ANAPC2: variants seen among roughly 807,000 people sequenced by gnomAD.
The protein encoded by ANAPC2 is anaphase-promoting complex subunit 2.
A neutral mutation model predicts 84.3 loss-of-function variants in ANAPC2; 29 were observed. The observed-to-expected ratio is 0.34, with a 90% CI of 0.26 to 0.47. The LOEUF is 0.47. Ranked by LOEUF, ANAPC2 falls within the 20% of genes least tolerant of loss-of-function variation. The pLI is 1.00. For missense variants in ANAPC2, 857 were observed against 1,131.7 expected (o/e 0.76, Z 3.48); for synonymous variants, 571 against 479.4 (o/e 1.19, Z -2.50).
At chr9:137,184,099 C>T (rs1319000302) in intron 4 of ANAPC2, among the ~76,000 whole-genome samples, 5 of 152,238 alleles carry the variant, frequency 3.3e-5, no homozygotes, top group East Asian at 1.9e-4. Context: ...GATCCAGGCA[C>T]GGGGGACGCC....
At chr9:137,180,725 C>A (rs978844795) in intron 8 of ANAPC2, 63 bp downstream of exon 8, 2 of 1,587,840 alleles carry the variant, frequency 1.3e-6, no homozygotes, top group Admixed American at 3.4e-5. Context: ...GGGCCCTGTC[C>A]CGAGAGAGGC....
At chr9:137,180,651 G>A (rs1834324010) in intron 8 of ANAPC2, 124 bp from the exon 9 acceptor site, 2 of 1,564,842 alleles carry the variant, frequency 1.3e-6, no homozygotes, top group Admixed American at 3.4e-5. Flanking sequence ...CCAATGGCTA[G>A]CACACCCCCA....
intron 3 of ANAPC2, among the ~76,000 whole-genome samples, chr9:137,185,739 G>A (rs937093456): frequency 3.9e-5 from 6 of 152,266 alleles, no homozygotes; most frequent in Middle Eastern, 3.4e-3. Flanking sequence ...CTATGGCTCC[G>A]GGAGCCCAGA....
In ANAPC2 at chr9:137,174,900, C is replaced by A; in HGVS notation, c.*42G>T. ...TGGCACGGGAGGACGAGAGCACCTG[C>A]AGGGCAGCGCCTGGCGGGCGGGCGG... On this transcript the variant is annotated 3_prime_UTR_variant, in exon 13 of 13. Coordinates refer to ENST00000323927, the MANE Select transcript of ANAPC2 (RefSeq NM_013366.4). This position sits in a 1 kb window ranked among gnomAD's most constrained non-coding sequence, Gnocchi z 6.1. 1.5e-6 allele frequency: 2 copies of A among 1,322,770 alleles called. No individual in the cohort carries two copies. Among genetic ancestry groups the A allele is most frequent in the East Asian group, 6.2e-5 (2 of 32,392 alleles). 81.9% of individuals were successfully genotyped at this position (1,322,770 alleles called of 1,614,324 possible).
chr9:137,185,379 G>A (rs1427071100), intron 3 of ANAPC2, among the ~76,000 whole-genome samples: 1 of 152,224 alleles, frequency 6.6e-6, no homozygotes, highest in East Asian at 1.9e-4. Context: ...CACACGACCT[G>A]TGCGCTGTGC....
intron 6 of ANAPC2, among the ~76,000 whole-genome samples, chr9:137,182,487 C>A (rs982108909): frequency 1.3e-5 from 2 of 151,568 alleles, no homozygotes; most frequent in Admixed American, 1.3e-4. Context: ...CCAGCCTGGG[C>A]GAAAGAGTGA....
chr9:137,180,672 G>A (rs1445179081), intron 8 of ANAPC2, 116 bp downstream of exon 8: 22 of 1,563,340 alleles, frequency 1.4e-5, no homozygotes, highest in Non-Finnish European at 1.5e-5. Flanking sequence ...GCCAGGAGTG[G>A]GGGCGGAAGC....
chr9:137,181,929 C>A, intron 6 of ANAPC2, 67 bp from the exon 7 acceptor site: 1 of 1,516,116 alleles, frequency 6.6e-7, no homozygotes, highest in Non-Finnish European at 8.8e-7. Flanking sequence ...ACCACTCATT[C>A]CAGTCCCGGC....
chr9:137,179,285 G>T (rs1421159170), intron 10 of ANAPC2, among the ~76,000 whole-genome samples: 2 of 152,106 alleles, frequency 1.3e-5, no homozygotes, highest in African/African-American at 2.4e-5. Context: ...GGCCTCACAG[G>T]CCCCACACAT....
Position 137,187,933 on chromosome 9 carries a change from G to C in ANAPC2, c.288C>G (p.Ser96=). The C allele has an allele frequency of 6.2e-7, 1 of 1,613,856 alleles. No homozygotes were observed. Among genetic ancestry groups the C allele is most frequent in the Non-Finnish European group, 8.5e-7 (1 of 1,180,028 alleles). Residue 96 remains serine, a synonymous_variant, in exon 2 of 13, where the codon TCC becomes TCG. Coordinates refer to ENST00000323927, the MANE Select transcript of ANAPC2 (RefSeq NM_013366.4). ...NISPEFWNAI[S]QCENSADEPQ... is the part of the protein sequence containing the mutation. Reference sequence around the variant, plus strand: ...GCTCATCCGCAGAGTTCTCGCATTGGGAGATGGCATTCCAGAACTCAGGGG... The same window carrying C: ...GCTCATCCGCAGAGTTCTCGCATTGCGAGATGGCATTCCAGAACTCAGGGG...
intron 3 of ANAPC2, among the ~76,000 whole-genome samples, chr9:137,185,819 G>A (rs951153521): frequency 2.0e-5 from 3 of 152,156 alleles, no homozygotes; most frequent in African/African-American, 7.2e-5. Flanking sequence ...CTCGCTCCCC[G>A]CTGTGGTGCA....
In ANAPC2 at chr9:137,185,016, G is replaced by C. The variant is rs752968213; in HGVS notation, c.945C>G (p.Pro315=). 1.9e-6 allele frequency: 3 copies of C among 1,601,970 alleles called. No homozygotes were observed. Among genetic ancestry groups the C allele is most frequent in the Non-Finnish European group, 2.6e-6 (3 of 1,175,496 alleles). The change falls in exon 4 of 13, where the codon CCC becomes CCG. Residue 315 remains proline (P), a synonymous_variant. Coordinates refer to ENST00000323927, the MANE Select transcript of ANAPC2 (RefSeq NM_013366.4). ...AGCGGCGCAGGGTGTTGCCGGCCTC[G>C]GGAGATGCGGGCCTGGCGGGGCCGT... The part of the protein sequence containing the change: ...LQDGPARPAS[P]EAGNTLRRWR...
At chr9:137,180,722 G>A in intron 8 of ANAPC2, 66 bp downstream of exon 8, 2 of 1,587,102 alleles carry the variant, frequency 1.3e-6, no homozygotes, top group Non-Finnish European at 8.6e-7. Flanking sequence ...TCAGGGCCCT[G>A]TCCCGAGAGA....
In ANAPC2 at chr9:137,181,766, C is replaced by T. The variant is rs1056618738; in HGVS notation, c.1383G>A (p.Pro461=). ...TGTCCTGGCCTGTCTCCAGGCTCGCCGGGTCGGTCTTGGACAGCTCAACAG... is the reference window on the plus strand; with the variant it reads ...TGTCCTGGCCTGTCTCCAGGCTCGCTGGGTCGGTCTTGGACAGCTCAACAG... ...DLAVELSKTD[P]ASLETGQDSE... The change falls in exon 7 of 13, where the codon CCG becomes CCA. Residue 461 remains proline, a synonymous_variant. Transcript: ENST00000323927. The T allele has an allele frequency of 9.9e-6, 16 of 1,611,140 alleles. No individual in the cohort carries two copies. Among genetic ancestry groups the T allele is most frequent in the Non-Finnish European group, 1.4e-5 (16 of 1,179,930 alleles).
rs190834278 is a variant in ANAPC2, at chr9:137,188,158, G to C, written c.118-55C>G. Reference sequence around the variant, plus strand: ...GAACACAACATAGAGGTGGGGAGAGGCGGGGAAGGGAAGAAGCTGAGGGGG... The same window carrying C: ...GAACACAACATAGAGGTGGGGAGAGCCGGGGAAGGGAAGAAGCTGAGGGGG... On this transcript the variant is annotated intron_variant, in intron 1 of 12. Coordinates refer to ENST00000323927, the MANE Select transcript of ANAPC2 (RefSeq NM_013366.4). The C allele has an allele frequency of 4.5e-5, 70 of 1,566,586 alleles. 1 individual carries two copies. In the East Asian group the frequency reaches 1.6e-3, roughly 35 times the overall value.
chr9:137,188,159 C>A, intron 1 of ANAPC2, 56 bp from the exon 2 acceptor site: 3 of 1,564,902 alleles, frequency 1.9e-6, no homozygotes, highest in Admixed American at 1.8e-5. Flanking sequence ...TGGGGAGAGG[C>A]GGGGAAGGGA....
In ANAPC2 at chr9:137,175,169, C is replaced by T; in HGVS notation, c.2257-15G>A. 11 of 1,602,998 alleles carry T rather than the reference C, an allele frequency of 6.9e-6. No homozygotes were observed. The highest frequency in any genetic ancestry group is 9.4e-6 in the Non-Finnish European group (11 of 1,175,484). Reference sequence around the variant, plus strand: ...GTCCAGAAGAGCTGCGGACACAGGCCAGCCCCCGTCAGGCACCTGCAGGCC... The same window carrying T: ...GTCCAGAAGAGCTGCGGACACAGGCTAGCCCCCGTCAGGCACCTGCAGGCC... On this transcript the variant is annotated splice_polypyrimidine_tract_variant and intron_variant, in intron 12 of 12. Coordinates refer to ENST00000323927, the MANE Select transcript of ANAPC2 (RefSeq NM_013366.4).
rs775786198 is a variant in ANAPC2, at chr9:137,175,699, TG to T, written c.2020+8del. ...CCGGGGCAGGCCAGCTAGGGGCTGG[TG>T]GGCTCACCTTGGTCCTGAAAATACA... On this transcript the variant is annotated splice_region_variant and intron_variant, in intron 11 of 12. Transcript: ENST00000323927. 5.6e-6 allele frequency: 9 copies of T among 1,605,520 alleles called. No individual in the cohort carries two copies. In the South Asian group the frequency reaches 1.0e-4, roughly 18 times the overall value.
Position 137,181,772 on chromosome 9 carries a change from G to A in ANAPC2, c.1377C>T (p.Thr459=), listed in dbSNP as rs775165850. Residue 459 remains threonine (T), a synonymous_variant, in exon 7 of 13, where the codon ACC becomes ACT. Transcript: ENST00000323927. ...GGCCTGTCTCCAGGCTCGCCGGGTC[G>A]GTCTTGGACAGCTCAACAGCCAGGT... The part of the protein sequence containing the change: ...TGDLAVELSK[T]DPASLETGQD... 2.0e-5 allele frequency: 33 copies of A among 1,610,778 alleles called. 1 individual carries two copies. Among genetic ancestry groups the A allele is most frequent in the South Asian group, 5.5e-5 (5 of 91,082 alleles).
Sources: allele counts gnomAD v4.1 joint callset (sites outside exome capture counted in the v4.1 genomes callset), GRCh38; gene constraint gnomAD v4.1.1; non-coding constraint Gnocchi (gnomAD v3.1); transcripts MANE v1.5; gene names NCBI Gene and HGNC (gene_info 2026-07-23, HGNC 2026-07-21).